Variants in KIAA2012 observed in about 807,000 individuals in gnomAD.
The protein encoded by KIAA2012 is KIAA2012.
In KIAA2012, 125 loss-of-function variants were observed where a neutral mutation model predicts 150.6. The observed-to-expected ratio is 0.83, with a 90% CI of 0.72 to 0.96. The LOEUF is 0.96. Among genes scored for constraint, KIAA2012 ranks in the 40% least tolerant of loss-of-function variants. The pLI is 0.00. For missense variants in KIAA2012, 1,219 were observed against 1,354.9 expected, an observed-to-expected ratio of 0.90 and a Z score of 1.57; for synonymous variants, 462 against 504.7, an observed-to-expected ratio of 0.92 and a Z score of 1.13.
intron 1 of KIAA2012, among the ~76,000 whole-genome samples, chr2:202,074,254 A>G (rs1429036666): frequency 3.9e-5 from 6 of 152,086 alleles, no homozygotes; most frequent in Non-Finnish European, 1.5e-5. Flanking sequence ...TAAGAAACCT[A>G]TTGGGGATAC....
At chr2:202,196,763 G>A in intron 21 of KIAA2012, 37 bp from the exon 22 acceptor site, 1 of 1,525,582 alleles carries the variant, frequency 6.6e-7, no homozygotes. Flanking sequence ...CCCTAAAAAT[G>A]ATCCCTGCTG....
chr2:202,114,376 G>T (rs1164362215), intron 11 of KIAA2012: 1 of 167,138 alleles, frequency 6.0e-6, no homozygotes, highest in East Asian at 1.9e-4. Flanking sequence ...CAGCATCAAA[G>T]AACTTCCATC....
rs149513483 is a variant in KIAA2012, at chr2:202,100,503, G to A, written c.1155+54G>A. On this transcript the variant is annotated intron_variant, in intron 7 of 23. Transcript: ENST00000498697. ...CAGGAGAGAGAGAGAGGAGGGAAGAGAGAAAGTTTAATCCTAATCTAGAAA... is the reference window on the plus strand; with the variant it reads ...CAGGAGAGAGAGAGAGGAGGGAAGAAAGAAAGTTTAATCCTAATCTAGAAA... 79 of 1,478,866 alleles carry A rather than the reference G, an allele frequency of 5.3e-5. No homozygotes were observed. The African/African-American group carries it at 9.1e-4, about 17-fold the overall frequency. The allele number at this position is 1,478,866 out of a possible 1,614,324, so 91.6% of individuals were successfully genotyped here.
chr2:202,156,997 G>A (rs1691542213), intron 14 of KIAA2012, among the ~76,000 whole-genome samples: 1 of 152,026 alleles, frequency 6.6e-6, no homozygotes. Context: ...TTTTTGTCCA[G>A]CAATTTTGGC....
At chr2:202,076,213 T>C (rs989573438) in intron 2 of KIAA2012, among the ~76,000 whole-genome samples, 11 of 143,604 alleles carry the variant, frequency 7.7e-5, no homozygotes, top group Admixed American at 2.1e-4. Context: ...CTGAAATTTA[T>C]TTCTTTGACT....
At chr2:202,115,088 TG>T (rs1412804814) in intron 11 of KIAA2012, 1 of 161,064 alleles carries the variant, frequency 6.2e-6, no homozygotes, top group East Asian at 1.9e-4. Flanking sequence ...TTTTTTGGTT[TG>T]GGCTTTTTTG....
intron 16 of KIAA2012, 40 bp from the exon 17 acceptor site, chr2:202,186,893 T>G: frequency 6.5e-7 from 1 of 1,536,934 alleles, no homozygotes; most frequent in South Asian, 1.2e-5. Context: ...CCACCAGAGT[T>G]TTTCTTTAGT....
intron 12 of KIAA2012, among the ~76,000 whole-genome samples, chr2:202,126,732 A>G (rs1559213456): frequency 6.6e-6 from 1 of 152,130 alleles, no homozygotes; most frequent in East Asian, 1.9e-4. Context: ...ATTTCATTTC[A>G]TCCCTACAGT....
In KIAA2012 at chr2:202,100,311, A is replaced by G. The variant is rs1310506322; in HGVS notation, c.1017A>G (p.Lys339=). The G allele has an allele frequency of 1.3e-6, 2 of 1,549,744 alleles. No homozygotes were observed. The highest frequency in any genetic ancestry group is 2.0e-5 in the Admixed American group (1 of 50,824). Residue 339 remains lysine, a synonymous_variant, in exon 7 of 24, where the codon AAA becomes AAG. Coordinates refer to ENST00000498697, the MANE Select transcript of KIAA2012 (RefSeq NM_001277372.4). ...ATTCTCATCCTGTTTTTAAAGATAAACAAAGGAACGTGAAACTCCACAAGG... is the reference window on the plus strand; with the variant it reads ...ATTCTCATCCTGTTTTTAAAGATAAGCAAAGGAACGTGAAACTCCACAAGG... ...FPNRKADLSD[K]QRNVKLHKAR...
chr2:202,127,109 G>C (rs1367722762), intron 12 of KIAA2012, among the ~76,000 whole-genome samples: 1 of 84,014 alleles, frequency 1.2e-5, no homozygotes, highest in East Asian at 3.5e-4. Context: ...AAGAGGAGAA[G>C]CTGGAAAAAA....
chr2:202,180,977 A>T (rs1692106819), intron 15 of KIAA2012, among the ~76,000 whole-genome samples: 1 of 152,102 alleles, frequency 6.6e-6, no homozygotes, highest in Admixed American at 6.5e-5. Context: ...CTGCAATTAA[A>T]AATTTTTTTT....
intron 11 of KIAA2012, among the ~76,000 whole-genome samples, chr2:202,119,665 G>T (rs376929945): frequency 3.3e-5 from 5 of 152,244 alleles, no homozygotes; most frequent in South Asian, 4.2e-4. Context: ...TCTAGGAGTG[G>T]GGGTGGGGGA....
At chr2:202,196,253 G>A (rs1441235908) in intron 21 of KIAA2012, among the ~76,000 whole-genome samples, 3 of 134,748 alleles carry the variant, frequency 2.2e-5, no homozygotes, top group Admixed American at 8.2e-5. Context: ...TGAGTGCAAC[G>A]GCGCGATCTC....
intron 11 of KIAA2012, chr2:202,116,471 T>G (rs1690529832): frequency 7.0e-6 from 1 of 142,846 alleles, no homozygotes. Context: ...CCGGCTTTTT[T>G]TTTTTTTTTT....
rs1453196127 is a variant in KIAA2012 at position 202,174,306 on chromosome 2, C to T, written c.2119+8950C>T. Among the ~76,000 whole-genome samples, 13 of 152,082 alleles carry T rather than the reference C, an allele frequency of 8.5e-5. No homozygotes were observed. The East Asian group carries it at 2.5e-3, about 29-fold the overall frequency. ...AGAGACAGGACTAGGACAAGGATGT[C>T]CTCTATCAGTGATTCTATTCAACAT... On this transcript the variant is annotated intron_variant, in intron 15 of 23. Coordinates refer to ENST00000498697, the MANE Select transcript of KIAA2012 (RefSeq NM_001277372.4).
chr2:202,145,409 A>C (rs145022979), intron 13 of KIAA2012, among the ~76,000 whole-genome samples: 75 of 152,310 alleles, frequency 4.9e-4, no homozygotes, highest in African/African-American at 1.8e-3. Flanking sequence ...TAGACAATTT[A>C]AGGCTAATTT....
At chr2:202,156,286 A>T (rs932594847) in intron 14 of KIAA2012, among the ~76,000 whole-genome samples, 1 of 152,210 alleles carries the variant, frequency 6.6e-6, no homozygotes, top group Non-Finnish European at 1.5e-5. Flanking sequence ...TTCAAAAAAT[A>T]CTGCCATACT....
chr2:202,187,397 C>T (rs1692250321), intron 17 of KIAA2012, among the ~76,000 whole-genome samples: 1 of 152,120 alleles, frequency 6.6e-6, no homozygotes, highest in Non-Finnish European at 1.5e-5. Context: ...ATCCGCCTCC[C>T]AGGTTCAAGT....
intron 3 of KIAA2012, among the ~76,000 whole-genome samples, chr2:202,091,528 T>A (rs929197600): frequency 6.6e-6 from 1 of 152,166 alleles, no homozygotes; most frequent in South Asian, 2.1e-4. Context: ...AAATGCACTC[T>A]GTAGATGCTT....
Sources: allele counts gnomAD v4.1 joint callset (sites outside exome capture counted in the v4.1 genomes callset), GRCh38; gene constraint gnomAD v4.1.1; transcripts MANE v1.5; gene names NCBI Gene and HGNC (gene_info 2026-07-23, HGNC 2026-07-21).